Variants in WDR41 observed in about 807,000 individuals in gnomAD.
WDR41 encodes the protein WD repeat domain 41, also known as WD repeat-containing protein 41.
Under a neutral mutation model 69.3 loss-of-function variants are expected in WDR41, and 63 were observed. The observed-to-expected ratio is 0.91, with a 90% CI of 0.74 to 1.12. The LOEUF (loss-of-function observed/expected upper bound fraction) is 1.12, where lower values mean the gene tolerates loss of function less well. WDR41 is among the 50% of genes most tolerant of loss of function. WDR41 has a pLI of 0.00. For synonymous variants in WDR41, 185 were observed against 192.1 expected, an observed-to-expected ratio of 0.96 and a Z score of 0.31; for missense variants, 543 against 534.5, an observed-to-expected ratio of 1.02 and a Z score of -0.16.
intron 2 of WDR41, among the ~76,000 whole-genome samples, chr5:77,470,109 A>G (rs372350789): frequency 4.0e-5 from 6 of 151,550 alleles, no homozygotes; most frequent in African/African-American, 9.8e-5. Context: ...CCAGAAGATA[A>G]TGGGGGCCAA....
intron 1 of WDR41, among the ~76,000 whole-genome samples, chr5:77,524,407 G>A (rs1802416750): frequency 6.6e-6 from 1 of 152,122 alleles, no homozygotes; most frequent in South Asian, 2.1e-4. Context: ...GTGCAACATA[G>A]TGAGACCCTA....
intron 1 of WDR41, 52 bp downstream of exon 1, chr5:77,492,118 C>G (rs926418110): frequency 8.8e-6 from 14 of 1,595,912 alleles, no homozygotes; most frequent in African/African-American, 2.7e-5. Flanking sequence ...CGGAACGAAG[C>G]CGCCCCTCCA....
In WDR41 at chr5:77,458,997, T is replaced by G; in HGVS notation, c.411+65A>C. On this transcript the variant is annotated intron_variant, in intron 5 of 12. Transcript: ENST00000296679. Reference sequence around the variant, plus strand: ...CACAAAAGTAATTTCGTCTAACTCTTTAAACCATGTCTTCTGAGACAAAAA... The same window carrying G: ...CACAAAAGTAATTTCGTCTAACTCTGTAAACCATGTCTTCTGAGACAAAAA... 4 of 1,230,188 alleles carry G rather than the reference T, an allele frequency of 3.3e-6. No individual in the cohort carries two copies. The South Asian group carries it at 5.4e-5, about 17-fold the overall frequency. The allele number at this position is 1,230,188 out of a possible 1,614,324, so 76.2% of individuals were successfully genotyped here. A position where few individuals can be genotyped will look rare whatever the true frequency, so the allele number is the denominator to read the frequency against.
intron 8 of WDR41, 23 bp from the exon 9 acceptor site, chr5:77,441,020 T>TC (rs1799140371): frequency 6.2e-7 from 1 of 1,607,922 alleles, no homozygotes; most frequent in African/African-American, 1.3e-5. Flanking sequence ...CACATATGCC[T>TC]CATTATCGAT....
At chr5:77,458,298 T>A (rs1460167900) in intron 5 of WDR41, among the ~76,000 whole-genome samples, 1 of 152,124 alleles carries the variant, frequency 6.6e-6, no homozygotes, top group East Asian at 1.9e-4. Flanking sequence ...TTCTGCCTTT[T>A]TGGGAAAAGA....
At chr5:77,538,409 A>G (rs567731549) in intron 1 of WDR41, among the ~76,000 whole-genome samples, 3 of 152,330 alleles carry the variant, frequency 2.0e-5, no homozygotes, top group Non-Finnish European at 4.4e-5. Flanking sequence ...GGTAGTGAGC[A>G]TAATACTAAA....
chr5:77,439,534 C>T (rs1183629414), intron 9 of WDR41, among the ~76,000 whole-genome samples: 2 of 152,134 alleles, frequency 1.3e-5, no homozygotes, highest in Non-Finnish European at 2.9e-5. Context: ...TTCTATAGAC[C>T]AGGAAATCTG....
intron 8 of WDR41, among the ~76,000 whole-genome samples, chr5:77,442,364 C>A (rs1401060417): frequency 5.3e-5 from 8 of 151,864 alleles, no homozygotes; most frequent in Admixed American, 3.3e-4. Context: ...GTATGCTTAA[C>A]AATATAAACT....
At chr5:77,507,379 G>T (rs1298919855) in intron 1 of WDR41, among the ~76,000 whole-genome samples, 1 of 152,190 alleles carries the variant, frequency 6.6e-6, no homozygotes, top group African/African-American at 2.4e-5. Context: ...CAAGGCTGTA[G>T]ATGCTTCTTT....
At chr5:77,593,645 C>T (rs1041300389) in intron 1 of WDR41, among the ~76,000 whole-genome samples, 13 of 152,058 alleles carry the variant, frequency 8.5e-5, no homozygotes, top group East Asian at 1.9e-4. Context: ...TAATATGGTG[C>T]TAGTTTATAA....
intron 4 of WDR41, among the ~76,000 whole-genome samples, chr5:77,460,010 CA>C (rs1270452931): frequency 8.2e-5 from 12 of 145,994 alleles, no homozygotes; most frequent in South Asian, 2.1e-4. Flanking sequence ...TATAGTTGGG[CA>C]AAAAAAAAAG....
At chr5:77,596,844 G>C (rs941551333) in intron 1 of WDR41, among the ~76,000 whole-genome samples, 1 of 152,136 alleles carries the variant, frequency 6.6e-6, no homozygotes, top group African/African-American at 2.4e-5. Flanking sequence ...GCCAGGCAAA[G>C]TGGCTCATGC....
At chr5:77,479,105 C>G (rs1196499302) in intron 2 of WDR41, among the ~76,000 whole-genome samples, 2 of 151,942 alleles carry the variant, frequency 1.3e-5, no homozygotes, top group Non-Finnish European at 2.9e-5. Flanking sequence ...CCTAGGAATC[C>G]AACTTACAAG....
chr5:77,523,273 C>T (rs1473580222), intron 1 of WDR41, among the ~76,000 whole-genome samples: 1 of 151,188 alleles, frequency 6.6e-6, no homozygotes, highest in Non-Finnish European at 1.5e-5. Context: ...GAGATTGTGC[C>T]ACTGCACTCC....
At chr5:77,576,589 G>T (rs2112282816) in intron 1 of WDR41, among the ~76,000 whole-genome samples, 1 of 152,188 alleles carries the variant, frequency 6.6e-6, no homozygotes, top group Non-Finnish European at 1.5e-5. Context: ...ACACCACCAT[G>T]ATCTCTGGCT....
Position 77,437,164 on chromosome 5 carries a change from T to C in WDR41, c.1093+172A>G, listed in dbSNP as rs550918720. On this transcript the variant is annotated intron_variant, in intron 11 of 12. Transcript: ENST00000296679. Reference sequence around the variant, plus strand: ...AAGTGGCAGTTCTACATTAGGGCAGTATTAAGCTGTAAATCCTAGATCTCA... The same window carrying C: ...AAGTGGCAGTTCTACATTAGGGCAGCATTAAGCTGTAAATCCTAGATCTCA... Among the ~76,000 whole-genome samples the C allele has an allele frequency of 9.8e-5, 15 of 152,346 alleles. 1 individual carries two copies. The South Asian group carries it at 2.3e-3, about 23-fold the overall frequency.
At chr5:77,515,141 T>A (rs879297412) in intron 1 of WDR41, among the ~76,000 whole-genome samples, 6 of 152,222 alleles carry the variant, frequency 3.9e-5, no homozygotes, top group Non-Finnish European at 8.8e-5. Flanking sequence ...TTTTAAAAAA[T>A]TTTTTGACTT....
At chr5:77,491,858 T>C (rs1801804983) in intron 1 of WDR41, 8 of 394,772 alleles carry the variant, frequency 2.0e-5, no homozygotes, top group Non-Finnish European at 3.2e-5. Context: ...AAGCCCTAAG[T>C]TGTCACAGGT....
chr5:77,455,917 C>T (rs1224706394), intron 5 of WDR41, among the ~76,000 whole-genome samples: 7 of 151,242 alleles, frequency 4.6e-5, no homozygotes, highest in South Asian at 2.1e-4. Context: ...AAGATTGTTT[C>T]GGCTATTCTG....
Sources: gnomAD v4.1 joint callset for allele counts (sites outside exome capture counted in the v4.1 genomes callset) on GRCh38, gnomAD v4.1.1 for gene constraint, MANE v1.5 for transcripts, NCBI Gene and HGNC (gene_info 2026-07-23, HGNC 2026-07-21) for gene names.